Variants in BABAM2 observed in about 807,000 individuals in gnomAD.
BABAM2 encodes BRISC and BRCA1 A complex member 2, also known as BRISC and BRCA1-A complex member 2.
Under a neutral mutation model 54.7 loss-of-function variants are expected in BABAM2, and 31 were observed. The ratio of observed to expected loss-of-function variants is 0.57; its 90% CI spans 0.43 to 0.77. BABAM2 has a LOEUF of 0.77. Ranked by LOEUF, BABAM2 falls within the 30% of genes least tolerant of loss-of-function variation. The probability of loss-of-function intolerance (pLI) is 0.00; values close to 1 mark genes in which losing one functional copy is unlikely to be tolerated. For synonymous variants in BABAM2, 167 were observed against 162.9 expected, an observed-to-expected ratio of 1.03 and a Z score of -0.19; for missense variants, 364 against 455.8, an observed-to-expected ratio of 0.80 and a Z score of 1.83.
At chr2:28,227,159 A>C (rs1303686301) in intron 7 of BABAM2, among the ~76,000 whole-genome samples, 1 of 152,030 alleles carries the variant, frequency 6.6e-6, no homozygotes, top group Non-Finnish European at 1.5e-5. Flanking sequence ...TAATCTCCAG[A>C]ACATCTCTCA....
intron 11 of BABAM2, chr2:28,309,809 C>T: frequency 2.6e-6 from 1 of 391,722 alleles, no homozygotes; most frequent in Non-Finnish European, 4.7e-6. Context: ...GGGAGTTTTC[C>T]AGGCCCAGGC....
At chr2:28,040,185 CTT>C (rs970110545) in intron 5 of BABAM2, among the ~76,000 whole-genome samples, 4 of 150,482 alleles carry the variant, frequency 2.7e-5, no homozygotes, top group African/African-American at 9.8e-5. Flanking sequence ...CAGTTTATAA[CTT>C]AATTTTACAT....
intron 6 of BABAM2, among the ~76,000 whole-genome samples, chr2:28,071,874 G>T (rs1664173206): frequency 6.6e-6 from 1 of 151,944 alleles, no homozygotes; most frequent in Non-Finnish European, 1.5e-5. Context: ...CTCATCTTTG[G>T]CCAGCTGTAG....
chr2:28,072,034 G>C (rs1664190322), intron 6 of BABAM2, among the ~76,000 whole-genome samples: 1 of 152,052 alleles, frequency 6.6e-6, no homozygotes, highest in Admixed American at 6.5e-5. Flanking sequence ...TGTTTGTTTT[G>C]TTTTGAAACA....
At chr2:28,112,158 C>A (rs1409142476) in intron 6 of BABAM2, among the ~76,000 whole-genome samples, 1 of 6,408 alleles carries the variant, frequency 1.6e-4, no homozygotes, top group African/African-American at 4.0e-4. Flanking sequence ...TACCTCCCTC[C>A]CTCCCTCCCT....
chr2:28,252,181 C>T (rs1285004708), intron 10 of BABAM2, among the ~76,000 whole-genome samples: 1 of 139,094 alleles, frequency 7.2e-6, no homozygotes, highest in African/African-American at 2.8e-5. Flanking sequence ...AGTGAAACTC[C>T]ATCTCAAAAA....
intron 7 of BABAM2, among the ~76,000 whole-genome samples, chr2:28,206,946 T>G (rs1377513875): frequency 6.6e-6 from 1 of 152,198 alleles, no homozygotes; most frequent in Non-Finnish European, 1.5e-5. Flanking sequence ...TGACATTCTT[T>G]GAGTGCTGGC....
intron 6 of BABAM2, among the ~76,000 whole-genome samples, chr2:28,059,896 A>C (rs529827796): frequency 6.6e-6 from 1 of 152,336 alleles, no homozygotes; most frequent in East Asian, 1.9e-4. Flanking sequence ...AACTTTAGGC[A>C]CAGATGACCT....
intron 2 of BABAM2, among the ~76,000 whole-genome samples, chr2:27,924,004 G>A (rs1667507093): frequency 6.6e-6 from 1 of 152,088 alleles, no homozygotes; most frequent in African/African-American, 2.4e-5. Flanking sequence ...AAAGTAATTA[G>A]AAGAATCTTG....
chr2:28,099,582 C>T (rs1381157457), intron 6 of BABAM2, among the ~76,000 whole-genome samples: 3 of 152,002 alleles, frequency 2.0e-5, no homozygotes, highest in Admixed American at 6.5e-5. Flanking sequence ...ATCTTTTTTT[C>T]TATTTACTAG....
intron 7 of BABAM2, among the ~76,000 whole-genome samples, chr2:28,180,281 G>A (rs184739728): frequency 6.6e-6 from 1 of 151,998 alleles, no homozygotes; most frequent in African/African-American, 2.4e-5. Flanking sequence ...TAGACCAATG[G>A]AACAATATAA....
intron 7 of BABAM2, among the ~76,000 whole-genome samples, chr2:28,162,808 C>T (rs781700695): frequency 2.6e-5 from 4 of 152,194 alleles, no homozygotes; most frequent in Non-Finnish European, 5.9e-5. Flanking sequence ...CATGTTGGGG[C>T]TTCTCCAACA....
intron 7 of BABAM2, among the ~76,000 whole-genome samples, chr2:28,217,041 C>CAA (rs748447419): frequency 6.6e-5 from 10 of 152,168 alleles, no homozygotes; most frequent in Non-Finnish European, 1.2e-4. Context: ...GAGGCTTTCC[C>CAA]CGATTGCCCT....
rs1444504770 is a variant in BABAM2 at position 28,026,822 on chromosome 2, T to TTTTA, written c.495+1403_495+1404insTTAT. On this transcript the variant is annotated intron_variant, in intron 5 of 11. Coordinates refer to ENST00000379624, the MANE Select transcript of BABAM2 (RefSeq NM_199191.3). Reference sequence around the variant, plus strand: ...ATATAAAAAATATATAAATATATATTTATATATATAAATATATATAAATAT... The same window carrying TTTTA: ...ATATAAAAAATATATAAATATATATTTTTATATATATATAAATATATATAAATAT... 1.4e-4 allele frequency among the ~76,000 whole-genome samples: 11 copies of TTTTA among 77,180 alleles called. 1 individual carries two copies. Among genetic ancestry groups the TTTTA allele is most frequent in the African/African-American group, 7.4e-4 (11 of 14,938 alleles). The allele number at this position is 77,180 out of a possible 152,430, so 50.6% of individuals were successfully genotyped here. A position where few individuals can be genotyped will look rare whatever the true frequency, so the allele number is the denominator to read the frequency against.
intron 3 of BABAM2, among the ~76,000 whole-genome samples, chr2:27,968,804 T>C (rs1407936167): frequency 1.3e-5 from 2 of 152,214 alleles, no homozygotes; most frequent in Non-Finnish European, 2.9e-5. Context: ...GTAACTAACT[T>C]GCTTTTGATT....
At chr2:28,096,458 G>A (rs1666634966) in intron 6 of BABAM2, among the ~76,000 whole-genome samples, 1 of 152,018 alleles carries the variant, frequency 6.6e-6, no homozygotes, top group South Asian at 2.1e-4. Flanking sequence ...GAGGTTGAGG[G>A]AAGGTACAGA....
chr2:27,896,862 G>C, intron 2 of BABAM2: 1 of 207,314 alleles, frequency 4.8e-6, no homozygotes, highest in South Asian at 6.7e-5. Context: ...AGGTGACAGG[G>C]AGCTCGTGGT....
intron 6 of BABAM2, among the ~76,000 whole-genome samples, chr2:28,127,457 G>C (rs1669653952): frequency 6.6e-6 from 1 of 152,122 alleles, no homozygotes; most frequent in African/African-American, 2.4e-5. Flanking sequence ...GAAGAGAAGG[G>C]AATAGAGAGT....
chr2:28,127,087 G>A (rs920245736), intron 6 of BABAM2, among the ~76,000 whole-genome samples: 3 of 152,226 alleles, frequency 2.0e-5, no homozygotes, highest in South Asian at 4.1e-4. Context: ...GATTTTGTAG[G>A]TTGCCTGTTC....
Sources: gnomAD v4.1 joint callset for allele counts (sites outside exome capture counted in the v4.1 genomes callset) on GRCh38, gnomAD v4.1.1 for gene constraint, MANE v1.5 for transcripts, NCBI Gene and HGNC (gene_info 2026-07-23, HGNC 2026-07-21) for gene names.